Variants in KHDC4 observed in about 807,000 individuals in gnomAD.
The protein encoded by KHDC4 is KH domain containing 4, pre-mRNA splicing factor.
A neutral mutation model predicts 74.5 loss-of-function variants in KHDC4; 19 were observed. The observed-to-expected ratio is 0.26, with a 90% CI of 0.18 to 0.37. The LOEUF (loss-of-function observed/expected upper bound fraction) is 0.37. Among genes scored for constraint, KHDC4 ranks in the 10% least tolerant of loss-of-function variants. KHDC4 has a pLI of 1.00. For missense variants in KHDC4, 632 were observed against 754.1 expected, an observed-to-expected ratio of 0.84 and a Z score of 1.90; for synonymous variants, 253 against 266.1, an observed-to-expected ratio of 0.95 and a Z score of 0.48.
At chr1:155,922,080 T>G in intron 8 of KHDC4, 162 bp from the exon 9 acceptor site, 2 of 360,394 alleles carry the variant, frequency 5.5e-6, no homozygotes, top group Admixed American at 8.6e-5. Flanking sequence ...TTTTTTTTTT[T>G]TGAGACAGTC....
At chr1:155,916,523 T>C (rs1234420944) in intron 12 of KHDC4, 102 bp downstream of exon 12, 4 of 777,054 alleles carry the variant, frequency 5.1e-6, no homozygotes, top group Middle Eastern at 2.4e-4. Flanking sequence ...AAAGATTTCA[T>C]TTCAGTTTCA....
At chr1:155,917,385 T>C in intron 11 of KHDC4, 114 bp downstream of exon 11, 1 of 935,528 alleles carries the variant, frequency 1.1e-6, no homozygotes, top group Non-Finnish European at 1.7e-6. Flanking sequence ...CCAAAATGAA[T>C]TCCAGAAAGC....
intron 2 of KHDC4, among the ~76,000 whole-genome samples, chr1:155,930,630 T>G (rs1674121162): frequency 6.6e-6 from 1 of 152,208 alleles, no homozygotes; most frequent in Non-Finnish European, 1.5e-5. Flanking sequence ...GTTGTCTTTG[T>G]GCCACTCCTA....
chr1:155,933,186 C>T (rs1054295509), intron 2 of KHDC4, among the ~76,000 whole-genome samples: 60 of 152,044 alleles, frequency 3.9e-4, no homozygotes, highest in African/African-American at 9.7e-5. Flanking sequence ...GTATTTGTAA[C>T]AAAATGTGTT....
rs978975007 is a variant in KHDC4 at position 155,925,267 on chromosome 1, G to C, written c.893+365C>G. ...AGGATGGTCTCGATCTCCTGACCTC[G>C]TGATCCACCCGCCTCGGCCTCCCAA... On this transcript the variant is annotated intron_variant, in intron 7 of 13. Coordinates refer to ENST00000368321, the MANE Select transcript of KHDC4 (RefSeq NM_014949.4). Among the ~76,000 whole-genome samples, 4 of 150,952 alleles carry C rather than the reference G, an allele frequency of 2.6e-5. No homozygotes were observed. The South Asian group carries it at 8.4e-4, about 32-fold the overall frequency.
At chr1:155,919,644 A>T (rs1040027615) in intron 10 of KHDC4, among the ~76,000 whole-genome samples, 2 of 152,048 alleles carry the variant, frequency 1.3e-5, no homozygotes, top group African/African-American at 2.4e-5. Flanking sequence ...CCCCATCTCC[A>T]CTAAAAATAC....
rs200082502 is a variant in KHDC4 at position 155,914,329 on chromosome 1, G to C, written c.1646-9C>G. 6 of 1,589,188 alleles carry C rather than the reference G, an allele frequency of 3.8e-6. No homozygotes were observed. The highest frequency in any genetic ancestry group is 5.1e-6 in the Non-Finnish European group (6 of 1,165,544). On this transcript the variant is annotated splice_polypyrimidine_tract_variant and intron_variant, in intron 13 of 13. Transcript: ENST00000368321. ...CTTCTTGGCTGGATAATCTAGAATA[G>C]AGAAAAAACAACCCCAACCCCATCC...
At chr1:155,914,997 T>C (rs1016990541) in intron 13 of KHDC4, 6 of 152,236 alleles carry the variant, frequency 3.9e-5, no homozygotes, top group African/African-American at 1.2e-4. Context: ...TACACGTTGG[T>C]TGGAAACAAA....
At chr1:155,921,324 CCA>C (rs1460288307) in intron 10 of KHDC4, 49 bp downstream of exon 10, 1 of 1,592,186 alleles carries the variant, frequency 6.3e-7, no homozygotes, top group East Asian at 2.2e-5. Context: ...CCCTCTTTCC[CCA>C]GTTTTTCCTA....
At chr1:155,921,796 A>G (rs1308900559) in intron 9 of KHDC4, 65 bp downstream of exon 9, 1 of 1,428,092 alleles carries the variant, frequency 7.0e-7, no homozygotes, top group Non-Finnish European at 9.8e-7. Context: ...TCTAGCCTCA[A>G]GTATCATAGT....
At chr1:155,926,420 C>T in intron 6 of KHDC4, 1 of 442,840 alleles carries the variant, frequency 2.3e-6, no homozygotes, top group East Asian at 4.9e-5. Context: ...ACCTCCACCT[C>T]CCGGCTTCAA....
chr1:155,929,871 T>A (rs1210337538), intron 2 of KHDC4, 31 bp from the exon 3 acceptor site: 1 of 1,489,508 alleles, frequency 6.7e-7, no homozygotes, highest in South Asian at 1.4e-5. Context: ...ATTAAAAAGT[T>A]TTTATGATGA....
intron 2 of KHDC4, among the ~76,000 whole-genome samples, chr1:155,931,072 A>G (rs1465529760): frequency 6.6e-6 from 1 of 152,106 alleles, no homozygotes; most frequent in African/African-American, 2.4e-5. Flanking sequence ...CTGTAATCCT[A>G]GCACTTTAGG....
At chr1:155,927,995 A>T (rs922002963) in intron 4 of KHDC4, among the ~76,000 whole-genome samples, 5 of 152,168 alleles carry the variant, frequency 3.3e-5, no homozygotes, top group Non-Finnish European at 5.9e-5. Context: ...CAATAACCAT[A>T]TATAGTTAAT....
chr1:155,921,789 A>G (rs1195072299), intron 9 of KHDC4, 72 bp downstream of exon 9: 2 of 1,425,858 alleles, frequency 1.4e-6, no homozygotes, highest in African/African-American at 2.8e-5. Context: ...GGCACAGTCT[A>G]GCCTCAAGTA....
In KHDC4 at chr1:155,913,983, G is replaced by GA; in HGVS notation, c.*137dup. 1.5e-6 allele frequency: 1 copy of GA among 678,792 alleles called. No individual in the cohort carries two copies. Among genetic ancestry groups the GA allele is most frequent in the Non-Finnish European group, 2.5e-6 (1 of 394,778 alleles). The allele number at this position is 678,792 out of a possible 1,614,324, so 42.0% of individuals were successfully genotyped here. A position where few individuals can be genotyped will look rare whatever the true frequency, so the allele number is the denominator to read the frequency against. On this transcript the variant is annotated 3_prime_UTR_variant, in exon 14 of 14. Transcript: ENST00000368321. The stretch of plus-strand genomic sequence containing the variant: ...TGTGGTTGTTAAGGAACCCCTTTAA[G>GA]AAAGGGGGGCACTGAATCTCTAACT...
At chr1:155,914,881 C>T (rs533348565) in intron 13 of KHDC4, 1 of 152,896 alleles carries the variant, frequency 6.5e-6, no homozygotes, top group South Asian at 2.1e-4. Flanking sequence ...ATCAGATGAC[C>T]TCCTGGTATT....
intron 2 of KHDC4, among the ~76,000 whole-genome samples, chr1:155,930,133 G>A (rs1043635298): frequency 5.9e-5 from 9 of 152,018 alleles, no homozygotes; most frequent in Non-Finnish European, 8.8e-5. Flanking sequence ...GGCTGGTCTC[G>A]AACTCCTGAC....
intron 6 of KHDC4, chr1:155,926,325 CTTTTTT>C (rs34342755): frequency 1.4e-4 from 24 of 175,488 alleles, no homozygotes; most frequent in Non-Finnish European, 1.6e-4. Flanking sequence ...TTACTTGGCA[CTTTTTT>C]TTTTTTTTTT....
Sources: gnomAD v4.1 joint callset for allele counts (sites outside exome capture counted in the v4.1 genomes callset) on GRCh38, gnomAD v4.1.1 for gene constraint, MANE v1.5 for transcripts, NCBI Gene and HGNC (gene_info 2026-07-23, HGNC 2026-07-21) for gene names.